Variants in TUSC3 observed in about 807,000 individuals in gnomAD.
The protein encoded by TUSC3 is tumor suppressor candidate 3.
TUSC3 carries 45 observed loss-of-function variants against 44.8 expected under a neutral mutation model. The ratio of observed to expected loss-of-function variants is 1.00; its 90% CI spans 0.79 to 1.29. The LOEUF (loss-of-function observed/expected upper bound fraction) is 1.29, where lower values mean the gene tolerates loss of function less well. TUSC3 is among the 50% of genes most tolerant of loss of function. The probability of loss-of-function intolerance (pLI) is 0.00; values close to 1 mark genes in which losing one functional copy is unlikely to be tolerated. For missense variants in TUSC3, 519 were observed against 437.9 expected (o/e 1.19, Z -1.65); for synonymous variants, 212 against 152.9 (o/e 1.39, Z -2.85).
At chr8:15,527,997 G>A (rs10101041) in intron 2 of TUSC3, among the ~76,000 whole-genome samples, 1 of 152,138 alleles carries the variant, frequency 6.6e-6, no homozygotes, top group African/African-American at 2.4e-5. Flanking sequence ...GGTAAGTCCT[G>A]GTTTTAGCAC....
At chr8:15,446,821 C>G (rs950798739) in intron 1 of TUSC3, among the ~76,000 whole-genome samples, 8 of 147,192 alleles carry the variant, frequency 5.4e-5, no homozygotes, top group Non-Finnish European at 1.0e-4. Flanking sequence ...GACATGGCCT[C>G]TTTAAAGGAG....
At chr8:15,796,417 A>T in the TUSC3 span, among the ~76,000 whole-genome samples, 2 of 152,212 alleles carry the variant, frequency 1.3e-5, no homozygotes, top group South Asian at 4.1e-4. Context: ...GGCCACTGGG[A>T]ACAGCCTAAG....
chr8:15,546,064 C>G (rs1801851237), intron 1 of TUSC3, among the ~76,000 whole-genome samples: 1 of 151,764 alleles, frequency 6.6e-6, no homozygotes, highest in African/African-American at 2.4e-5. Flanking sequence ...AAAACAAGTA[C>G]ATAAACAAAG....
intron 2 of TUSC3, among the ~76,000 whole-genome samples, chr8:15,505,667 GT>G (rs1482277253): frequency 6.6e-6 from 1 of 152,232 alleles, no homozygotes; most frequent in African/African-American, 2.4e-5. Context: ...CTGAAGTGGG[GT>G]CAGAGAAACT....
intron 6 of TUSC3, among the ~76,000 whole-genome samples, chr8:15,728,870 C>T (rs867023276): frequency 3.4e-4 from 51 of 152,088 alleles, no homozygotes; most frequent in African/African-American, 1.2e-3. Context: ...GAGGTAGACT[C>T]ATCCTCAAGA....
chr8:15,670,175 C>T (rs1791731743), intron 5 of TUSC3, among the ~76,000 whole-genome samples: 1 of 151,722 alleles, frequency 6.6e-6, no homozygotes, highest in African/African-American at 2.4e-5. Context: ...AGATACTCGT[C>T]TTGATCTTGA....
intron 1 of TUSC3, among the ~76,000 whole-genome samples, chr8:15,478,788 T>C (rs1220143665): frequency 2.0e-5 from 3 of 152,180 alleles, no homozygotes; most frequent in Non-Finnish European, 4.4e-5. Context: ...CTCCTTTGGG[T>C]ATATACCTAG....
intron 6 of TUSC3, among the ~76,000 whole-genome samples, chr8:15,716,336 A>G (rs889180541): frequency 2.0e-5 from 3 of 152,146 alleles, no homozygotes; most frequent in African/African-American, 4.8e-5. Context: ...ATTAAGGACA[A>G]ATCTGAGGGA....
chr8:15,760,916 G>C (rs1164666919), intron 10 of TUSC3, among the ~76,000 whole-genome samples: 1 of 152,066 alleles, frequency 6.6e-6, no homozygotes, highest in Non-Finnish European at 1.5e-5. Context: ...TCAGAGTTTT[G>C]CTTTTTCAGT....
intron 2 of TUSC3, among the ~76,000 whole-genome samples, chr8:15,512,928 A>C (rs1260807232): frequency 4.7e-5 from 2 of 43,000 alleles, no homozygotes; most frequent in Non-Finnish European, 1.1e-4. Flanking sequence ...CTATATATAT[A>C]ATCATATATA....
intron 2 of TUSC3, among the ~76,000 whole-genome samples, chr8:15,646,942 T>G (rs1489186620): frequency 6.6e-6 from 1 of 152,166 alleles, no homozygotes; most frequent in Non-Finnish European, 1.5e-5. Context: ...TAACACTAAA[T>G]AACATCTTTG....
At chr8:15,715,374 A>G (rs1300500056) in intron 6 of TUSC3, among the ~76,000 whole-genome samples, 1 of 152,072 alleles carries the variant, frequency 6.6e-6, no homozygotes, top group Non-Finnish European at 1.5e-5. Flanking sequence ...AAAATACCTT[A>G]TTGTACTATA....
chr8:15,543,932 GTGTA>G (rs1801777625), intron 1 of TUSC3, among the ~76,000 whole-genome samples: 1 of 151,178 alleles, frequency 6.6e-6, no homozygotes, highest in Non-Finnish European at 1.5e-5. Flanking sequence ...GTGTGTGTGT[GTGTA>G]TGTATTATGT....
At chr8:15,832,598 G>A in the TUSC3 span, among the ~76,000 whole-genome samples, 1 of 152,054 alleles carries the variant, frequency 6.6e-6, no homozygotes, top group Non-Finnish European at 1.5e-5. Flanking sequence ...AATCTACCAA[G>A]CAAATGGAGA....
intron 6 of TUSC3, among the ~76,000 whole-genome samples, chr8:15,694,368 G>GGA (rs1195633523): frequency 6.6e-6 from 1 of 150,668 alleles, no homozygotes; most frequent in East Asian, 2.0e-4. Context: ...CTTGAACCTG[G>GGA]GAGGCTGCAA....
At position 15,447,080 on chromosome 8, in the gene TUSC3, G is replaced by C. The variant is rs370907113; in HGVS notation, n.91+29775G>C. On this transcript the variant is annotated intron_variant and non_coding_transcript_variant, in intron 1 of 5. Transcript: ENST00000503191. Reference sequence around the variant, plus strand: ...AAAAAAAAATAGGATAAGATAATGAGAAAAGATGACAAGATGACAATATAG... The same window carrying C: ...AAAAAAAAATAGGATAAGATAATGACAAAAGATGACAAGATGACAATATAG... 3.5e-4 allele frequency among the ~76,000 whole-genome samples: 53 copies of C among 151,772 alleles called. No individual in the cohort carries two copies. The East Asian group carries it at 7.0e-3, about 20-fold the overall frequency.
chr8:15,778,382 G>A, the TUSC3 span, among the ~76,000 whole-genome samples: 12 of 152,208 alleles, frequency 7.9e-5, no homozygotes, highest in East Asian at 2.1e-3. Flanking sequence ...AAATCTCTGG[G>A]CTCTTAATAT....
At chr8:15,634,952 G>C (rs2129169370) in intron 2 of TUSC3, among the ~76,000 whole-genome samples, 1 of 152,320 alleles carries the variant, frequency 6.6e-6, no homozygotes, top group South Asian at 2.1e-4. Flanking sequence ...GGCTTAGTGT[G>C]AAGTACACTC....
chr8:15,774,077 AAGCACTATGGAG>A, the TUSC3 span, among the ~76,000 whole-genome samples: 1 of 152,164 alleles, frequency 6.6e-6, no homozygotes, highest in Non-Finnish European at 1.5e-5. Flanking sequence ...TGTGCATTAA[AAGCACTATGGAG>A]AGCAATTACC....
Sources: allele counts gnomAD v4.1 joint callset (sites outside exome capture counted in the v4.1 genomes callset), GRCh38; gene constraint gnomAD v4.1.1; transcripts MANE v1.5; gene names NCBI Gene and HGNC (gene_info 2026-07-23, HGNC 2026-07-21).